The following PDGFRL variants were observed in gnomAD, a reference collection of about 807,000 sequenced individuals.
The protein encoded by PDGFRL is platelet derived growth factor receptor like.
PDGFRL carries 46 observed loss-of-function variants against 37.2 expected under a neutral mutation model. The ratio of observed to expected loss-of-function variants is 1.24; its 90% CI spans 0.98 to 1.58. The LOEUF (loss-of-function observed/expected upper bound fraction) is 1.58, where lower values mean the gene tolerates loss of function less well. PDGFRL is among the 40% of genes most tolerant of loss of function. The pLI is 0.00. For synonymous variants in PDGFRL, 251 were observed against 184.3 expected (o/e 1.36, Z -2.93); for missense variants, 692 against 467.6 (o/e 1.48, Z -4.43).
rs764096739 is a variant in PDGFRL at position 17,634,136 on chromosome 8, G to T, written c.862G>T (p.Asp288Tyr). The T allele has an allele frequency of 6.2e-7, 1 of 1,613,086 alleles. No individual in the cohort carries two copies. Among genetic ancestry groups the T allele is most frequent in the South Asian group, 1.1e-5 (1 of 91,056 alleles). Residue 288 changes from aspartate to tyrosine, a missense_variant, in exon 5 of 6, where the codon GAC (aspartate) becomes TAC (tyrosine). By Grantham distance (160) the Asp-to-Tyr change is radical (BLOSUM62 -3). Transcript: ENST00000251630. ...ASSNKVKSGD[D>Y]ISVLCTVLGE... ...TTCAAACAAAGTGAAAAGTGGGGACGACATCAGTGTGCTCTGCACTGTCCT... is the reference window on the plus strand; with the variant it reads ...TTCAAACAAAGTGAAAAGTGGGGACTACATCAGTGTGCTCTGCACTGTCCT...
chr8:17,606,254 G>C (rs1022935429), intron 2 of PDGFRL, among the ~76,000 whole-genome samples: 4 of 152,044 alleles, frequency 2.6e-5, no homozygotes, highest in African/African-American at 7.2e-5. Flanking sequence ...CATTTTTAAG[G>C]AGATAGTTCA....
At chr8:17,584,009 C>G (rs985361097) in intron 1 of PDGFRL, among the ~76,000 whole-genome samples, 4 of 152,116 alleles carry the variant, frequency 2.6e-5, no homozygotes, top group South Asian at 2.1e-4. Flanking sequence ...AGGAGTGATA[C>G]AGTGGAAGCC....
At chr8:17,623,127 T>C (rs1162460103) in intron 3 of PDGFRL, among the ~76,000 whole-genome samples, 4 of 152,234 alleles carry the variant, frequency 2.6e-5, no homozygotes, top group African/African-American at 9.6e-5. Flanking sequence ...GAAGTACTAA[T>C]GCTCATGCTG....
rs780736995 is a variant in PDGFRL, at chr8:17,628,623, G to A, written c.642G>A (p.Lys214=). 6.2e-7 allele frequency: 1 copy of A among 1,614,214 alleles called. No homozygotes were observed. The change falls in exon 4 of 6, where the codon AAG becomes AAA. Residue 214 remains lysine, a synonymous_variant. Transcript: ENST00000251630. ...CGCTCCACAGGGAATTCCCAGCCAAGGAGATCCCAGCCAATGGAACGGACA... is the reference window on the plus strand; with the variant it reads ...CGCTCCACAGGGAATTCCCAGCCAAAGAGATCCCAGCCAATGGAACGGACA... ...KVTLHREFPA[K]EIPANGTDIV... is the part of the protein sequence containing the mutation.
chr8:17,639,117 C>A lies in PDGFRL; in HGVS notation c.940-3496C>A, dbSNP rs531900045. ...TTTGGTGTCCCTTTGCATGGAATAT[C>A]TTTTCCCAGCCCTTTACCATAAGTT... is the stretch of plus-strand genomic sequence containing the variant. On this transcript the variant is annotated intron_variant, in intron 5 of 5. Transcript: ENST00000251630. 5.3e-5 allele frequency among the ~76,000 whole-genome samples: 8 copies of A among 152,164 alleles called. No individual in the cohort carries two copies. In the South Asian group the frequency reaches 1.7e-3, roughly 32 times the overall value.
chr8:17,621,582 A>G (rs1260719904), intron 3 of PDGFRL, among the ~76,000 whole-genome samples: 2 of 152,152 alleles, frequency 1.3e-5, no homozygotes, highest in Non-Finnish European at 2.9e-5. Flanking sequence ...TTAAATGAAA[A>G]TTAAAATGAA....
chr8:17,611,346 A>C (rs994985346), intron 2 of PDGFRL, among the ~76,000 whole-genome samples: 1 of 152,250 alleles, frequency 6.6e-6, no homozygotes, highest in African/African-American at 2.4e-5. Context: ...ATTCTCTTCT[A>C]TTCTGTACAC....
rs1410851337 is a variant in PDGFRL, at chr8:17,589,554, A to C, written c.142A>C (p.Lys48Gln). The C allele has an allele frequency of 1.2e-6, 2 of 1,613,546 alleles. No homozygotes were observed. The highest frequency in any genetic ancestry group is 1.7e-6 in the Non-Finnish European group (2 of 1,179,406). Reference sequence around the variant, plus strand: ...ACCTACCAACAAGAAGGTGAAGCCCAAAATTCCTAAAATGAAGGACAGGGA... The same window carrying C: ...ACCTACCAACAAGAAGGTGAAGCCCCAAATTCCTAAAATGAAGGACAGGGA... Reference protein sequence around the residue: ...IKPTNKKVKPKIPKMKDRDSA... With the variant: ...IKPTNKKVKPQIPKMKDRDSA... Residue 48 changes from lysine (K) to glutamine (Q), a missense_variant, in exon 2 of 6, where the codon AAA (lysine) becomes CAA (glutamine). Transcript: ENST00000251630.
chr8:17,629,404 C>G (rs1210381267), intron 4 of PDGFRL, among the ~76,000 whole-genome samples: 1 of 152,078 alleles, frequency 6.6e-6, no homozygotes, highest in Non-Finnish European at 1.5e-5. Flanking sequence ...TCCCCAAACT[C>G]CTTTAGAGCA....
At chr8:17,584,532 C>G (rs890297684) in intron 1 of PDGFRL, among the ~76,000 whole-genome samples, 5 of 151,916 alleles carry the variant, frequency 3.3e-5, no homozygotes, top group African/African-American at 1.2e-4. Flanking sequence ...TGAGGAAGAG[C>G]TGCCACAGAC....
At chr8:17,622,264 A>G (rs942949278) in intron 3 of PDGFRL, among the ~76,000 whole-genome samples, 1 of 152,224 alleles carries the variant, frequency 6.6e-6, no homozygotes, top group Non-Finnish European at 1.5e-5. Context: ...AGTCAGTAAG[A>G]GCTTTCAGGA....
intron 2 of PDGFRL, among the ~76,000 whole-genome samples, chr8:17,606,693 G>A (rs2299574): frequency 0.79 from 117,025 of 148,354 alleles, 45,568 homozygotes; most frequent in Non-Finnish European, 0.85. Context: ...GCTATGTTCC[G>A]TTCAGGACAA....
At position 17,642,604 on chromosome 8, in the gene PDGFRL, G is replaced by A. The variant is rs572494073; in HGVS notation, c.940-9G>A. ...TCTTGCTTCAGTCTTTGTGGGTGTC[G>A]TTAAACAGGATGAAAGGCCTGTGAC... On this transcript the variant is annotated splice_polypyrimidine_tract_variant and intron_variant, in intron 5 of 5. Transcript: ENST00000251630. The A allele has an allele frequency of 2.9e-5, 46 of 1,586,730 alleles. No individual in the cohort carries two copies. The highest frequency in any genetic ancestry group is 6.6e-5 in the South Asian group (6 of 90,432).
At chr8:17,583,950 A>G (rs1473354991) in intron 1 of PDGFRL, among the ~76,000 whole-genome samples, 1 of 152,194 alleles carries the variant, frequency 6.6e-6, no homozygotes, top group Non-Finnish European at 1.5e-5. Flanking sequence ...TCTTTCCTGC[A>G]TAAATGATTC....
In PDGFRL at chr8:17,642,029, C is replaced by T. The variant is rs78931492; in HGVS notation, c.940-584C>T. On this transcript the variant is annotated intron_variant, in intron 5 of 5. Coordinates refer to ENST00000251630, the MANE Select transcript of PDGFRL (RefSeq NM_001372073.1). ...GGGTGGACATCTCAAAAGTGACCATCGCACTTTGTAGAAATAGGGGTCCTG... is the reference window on the plus strand; with the variant it reads ...GGGTGGACATCTCAAAAGTGACCATTGCACTTTGTAGAAATAGGGGTCCTG... 1.7e-3 allele frequency among the ~76,000 whole-genome samples: 262 copies of T among 152,102 alleles called. 3 individuals are homozygous for T. The highest frequency in any genetic ancestry group is 6.0e-3 in the African/African-American group (249 of 41,472).
intron 2 of PDGFRL, among the ~76,000 whole-genome samples, chr8:17,602,863 T>C (rs1804195403): frequency 6.6e-6 from 1 of 152,254 alleles, no homozygotes; most frequent in Non-Finnish European, 1.5e-5. Context: ...ACTGAGTGGA[T>C]ACAATATGTG....
intron 5 of PDGFRL, among the ~76,000 whole-genome samples, chr8:17,636,893 G>A (rs1247483559): frequency 6.6e-6 from 1 of 152,132 alleles, no homozygotes; most frequent in African/African-American, 2.4e-5. Context: ...AAGGGGTTGA[G>A]TTATTGATTT....
At chr8:17,589,327 A>G (rs985541339) in intron 1 of PDGFRL, 141 bp from the exon 2 acceptor site, 54 of 678,212 alleles carry the variant, frequency 8.0e-5, no homozygotes, top group Non-Finnish European at 1.3e-4. Context: ...TGGAGGTTGC[A>G]GTGAGCTGAG....
chr8:17,637,869 G>A (rs536801937), intron 5 of PDGFRL, among the ~76,000 whole-genome samples: 32 of 152,136 alleles, frequency 2.1e-4, no homozygotes, highest in Non-Finnish European at 4.1e-4. Flanking sequence ...GCTGTTCACA[G>A]TAGCCTTGAA....
Sources: allele counts gnomAD v4.1 joint callset (sites outside exome capture counted in the v4.1 genomes callset), GRCh38; gene constraint gnomAD v4.1.1; transcripts MANE v1.5; gene names NCBI Gene and HGNC (gene_info 2026-07-23, HGNC 2026-07-21).